The following EHBP1 variants were observed in gnomAD, a reference collection of about 807,000 sequenced individuals.
The protein encoded by EHBP1 is EH domain-binding protein 1.
A neutral mutation model predicts 144.0 loss-of-function variants in EHBP1; 55 were observed. That is an observed-to-expected ratio of 0.38 (90% CI 0.31 to 0.48). The LOEUF (loss-of-function observed/expected upper bound fraction) is 0.48. Among genes scored for constraint, EHBP1 ranks in the 20% least tolerant of loss-of-function variants. The pLI is 0.98. For synonymous variants in EHBP1, 469 were observed against 472.7 expected (o/e 0.99, Z 0.10); for missense variants, 1,200 against 1,364.2 (o/e 0.88, Z 1.90).
At chr2:62,812,209 G>T (rs2045071725) in intron 5 of EHBP1, among the ~76,000 whole-genome samples, 1 of 151,998 alleles carries the variant, frequency 6.6e-6, no homozygotes, top group Non-Finnish European at 1.5e-5. Flanking sequence ...GTGTTTTTAG[G>T]CTCTAGAACT....
chr2:62,882,892 AAAAAG>A (rs1343962209), intron 10 of EHBP1, among the ~76,000 whole-genome samples: 1 of 151,874 alleles, frequency 6.6e-6, no homozygotes, highest in Non-Finnish European at 1.5e-5. Context: ...CAAAAAAAAA[AAAAAG>A]AAAGGAAACA....
At chr2:62,956,475 ATT>A (rs2057701662) in intron 14 of EHBP1, among the ~76,000 whole-genome samples, 6 of 152,078 alleles carry the variant, frequency 3.9e-5, no homozygotes, top group South Asian at 2.1e-4. Context: ...GAAGTACCCT[ATT>A]GCTTATGAGA....
chr2:62,680,080 C>T (rs1457111394), intron 1 of EHBP1, among the ~76,000 whole-genome samples: 1 of 152,162 alleles, frequency 6.6e-6, no homozygotes, highest in Non-Finnish European at 1.5e-5. Flanking sequence ...GGAAGAAGAA[C>T]CTAAAAGGAA....
intron 2 of EHBP1, among the ~76,000 whole-genome samples, chr2:62,734,611 CTT>C (rs1263449821): frequency 6.6e-6 from 1 of 152,154 alleles, no homozygotes; most frequent in African/African-American, 2.4e-5. Context: ...CTCTGACAAT[CTT>C]TTAATTGGTG....
chr2:62,907,023 C>T (rs1437307275), intron 10 of EHBP1, among the ~76,000 whole-genome samples: 8 of 152,184 alleles, frequency 5.3e-5, no homozygotes, highest in Non-Finnish European at 1.2e-4. Context: ...GGTTATACCA[C>T]AGTTTAACCA....
intron 10 of EHBP1, among the ~76,000 whole-genome samples, chr2:62,903,863 A>G (rs929791125): frequency 1.3e-5 from 2 of 152,184 alleles, no homozygotes; most frequent in Admixed American, 1.3e-4. Flanking sequence ...ATTTTCGTCC[A>G]TAGTTTCTTC....
At position 63,045,281 on chromosome 2, in the gene EHBP1, C is replaced by G. The variant is rs144193438; in HGVS notation, c.3392+101C>G. On this transcript the variant is annotated intron_variant, in intron 22 of 22. Coordinates refer to ENST00000431489, the MANE Select transcript of EHBP1 (RefSeq NM_001142616.3). This position sits in a 1 kb window ranked among gnomAD's most constrained non-coding sequence, Gnocchi z 5.7. ...AGAGGTCGCGGGAGGGCCGGGGCAG[C>G]CTCCCACTGGCCTGGTGCTCCCCAT... The G allele has an allele frequency of 1.2e-4, 162 of 1,376,248 alleles. 1 individual carries two copies. The African/African-American group carries it at 2.0e-3, about 17-fold the overall frequency. The allele number at this position is 1,376,248 out of a possible 1,614,324, so 85.3% of individuals were successfully genotyped here.
In EHBP1 at chr2:63,042,458, G is replaced by A. The variant is rs2061702692; in HGVS notation, c.3278-2608G>A. ...TTCCTGTACAGTTGACTAATATTTT[G>A]TAGACAGATATTAATGTAGCACTGT... On this transcript the variant is annotated intron_variant, in intron 21 of 22. Coordinates refer to ENST00000431489, the MANE Select transcript of EHBP1 (RefSeq NM_001142616.3). Among the ~76,000 whole-genome samples, 3 of 152,042 alleles carry A rather than the reference G, an allele frequency of 2.0e-5. No homozygotes were observed. In the South Asian group the frequency reaches 6.2e-4, roughly 32 times the overall value.
intron 8 of EHBP1, among the ~76,000 whole-genome samples, chr2:62,862,567 G>A (rs544048788): frequency 4.5e-4 from 69 of 152,144 alleles, no homozygotes; most frequent in African/African-American, 1.6e-3. Flanking sequence ...GCAGTGAGCC[G>A]AGATTGCACC....
chr2:62,789,064 C>CA (rs1259017017), intron 5 of EHBP1, among the ~76,000 whole-genome samples: 1 of 152,192 alleles, frequency 6.6e-6, no homozygotes, highest in African/African-American at 2.4e-5. Context: ...GATCCAGAGT[C>CA]ACACCTATGG....
chr2:62,910,080 A>G (rs775581057), intron 10 of EHBP1, among the ~76,000 whole-genome samples: 5 of 152,162 alleles, frequency 3.3e-5, no homozygotes, highest in African/African-American at 9.7e-5. Context: ...TCGAAGTTCA[A>G]TCCAAGTATC....
chr2:62,964,278 A>C (rs982356647), intron 14 of EHBP1, among the ~76,000 whole-genome samples: 3 of 152,188 alleles, frequency 2.0e-5, no homozygotes, highest in African/African-American at 7.2e-5. Context: ...TGAATGCATG[A>C]AGCTAGGGCT....
At chr2:63,042,317 CATATGT>C (rs1253255604) in intron 21 of EHBP1, among the ~76,000 whole-genome samples, 3 of 151,992 alleles carry the variant, frequency 2.0e-5, no homozygotes. Flanking sequence ...TATATGTATA[CATATGT>C]ATGAGTTTGT....
intron 5 of EHBP1, among the ~76,000 whole-genome samples, chr2:62,794,458 CTT>C (rs1428052520): frequency 6.6e-6 from 1 of 151,978 alleles, no homozygotes; most frequent in Non-Finnish European, 1.5e-5. Flanking sequence ...ATTAAGTAAA[CTT>C]TTCTTCAAAC....
chr2:62,947,399 T>A (rs867092303), intron 12 of EHBP1, among the ~76,000 whole-genome samples: 14 of 152,190 alleles, frequency 9.2e-5, no homozygotes, highest in Middle Eastern at 3.2e-3. Flanking sequence ...AAGAAAAACT[T>A]TGAATTATAA....
At chr2:62,858,358 A>T in intron 7 of EHBP1, 1 of 1,311,902 alleles carries the variant, frequency 7.6e-7, no homozygotes, top group Non-Finnish European at 1.1e-6. Context: ...CTTCTCTTTA[A>T]TTAAATGACC....
At chr2:62,829,188 A>T (rs766489825) in intron 6 of EHBP1, among the ~76,000 whole-genome samples, 3 of 152,128 alleles carry the variant, frequency 2.0e-5, no homozygotes, top group Non-Finnish European at 4.4e-5. Flanking sequence ...AATCGAACTA[A>T]TTCCTAACCA....
chr2:62,853,279 C>G (rs1172036967), intron 7 of EHBP1, among the ~76,000 whole-genome samples: 1 of 152,136 alleles, frequency 6.6e-6, no homozygotes, highest in Non-Finnish European at 1.5e-5. Flanking sequence ...ATACTGTAGT[C>G]TGTTAAGTGT....
At chr2:62,725,949 G>T (rs1013613302) in intron 2 of EHBP1, among the ~76,000 whole-genome samples, 6 of 152,054 alleles carry the variant, frequency 3.9e-5, no homozygotes, top group African/African-American at 1.5e-4. Flanking sequence ...GGCCCCTAGG[G>T]CGCTCAAGGC....
Sources: gnomAD v4.1 joint callset for allele counts (sites outside exome capture counted in the v4.1 genomes callset) on GRCh38, gnomAD v4.1.1 for gene constraint, Gnocchi (gnomAD v3.1) non-coding constraint, MANE v1.5 for transcripts, NCBI Gene and HGNC (gene_info 2026-07-23, HGNC 2026-07-21) for gene names.